INO80D: variants seen among roughly 807,000 people sequenced by gnomAD.
INO80D encodes INO80 complex subunit D.
INO80D carries 21 observed loss-of-function variants against 87.6 expected under a neutral mutation model. The ratio of observed to expected loss-of-function variants is 0.24; its 90% CI spans 0.17 to 0.35. INO80D has a LOEUF of 0.35. Among genes scored for constraint, INO80D ranks in the 10% least tolerant of loss-of-function variants. The pLI is 1.00. For synonymous variants in INO80D, 440 were observed against 491.0 expected (o/e 0.90, Z 1.37); for missense variants, 982 against 1,280.7 (o/e 0.77, Z 3.56).
chr2:206,068,749 G>T (rs1393807659), intron 1 of INO80D, among the ~76,000 whole-genome samples: 1 of 151,656 alleles, frequency 6.6e-6, no homozygotes, highest in Non-Finnish European at 1.5e-5. Context: ...ACCTAGGTTG[G>T]AGTGTAGTGG....
chr2:206,042,562 A>G (rs1410201116), intron 5 of INO80D, among the ~76,000 whole-genome samples: 5 of 151,712 alleles, frequency 3.3e-5, no homozygotes, highest in African/African-American at 1.2e-4. Flanking sequence ...GGCGCCTGTA[A>G]TCCTGCTACT....
intron 8 of INO80D, 127 bp downstream of exon 8, chr2:206,017,553 G>A: frequency 1.5e-6 from 1 of 658,374 alleles, no homozygotes; most frequent in African/African-American, 1.8e-5. Context: ...TATCTTAAGG[G>A]AATAAAAATC....
intron 5 of INO80D, among the ~76,000 whole-genome samples, chr2:206,042,741 T>G (rs1689086095): frequency 6.6e-6 from 1 of 151,062 alleles, no homozygotes; most frequent in Admixed American, 6.6e-5. Context: ...TCCCAATACT[T>G]CGGAAGGTCA....
At chr2:206,075,860 C>T (rs1690102899) in intron 1 of INO80D, among the ~76,000 whole-genome samples, 1 of 151,406 alleles carries the variant, frequency 6.6e-6, no homozygotes, top group Non-Finnish European at 1.5e-5. Context: ...TCGAGACCAG[C>T]CCGGCCAATA....
At chr2:206,005,941 C>A (rs1286485555) in intron 10 of INO80D, among the ~76,000 whole-genome samples, 1 of 152,120 alleles carries the variant, frequency 6.6e-6, no homozygotes, top group African/African-American at 2.4e-5. Flanking sequence ...CTGTGTAGAA[C>A]AGGTCCACCT....
Position 206,017,799 on chromosome 2 carries a change from G to A in INO80D, c.1423C>T (p.His475Tyr). ...RHCFQHILLN[H>Y]SQQLFSSCTA... ...CAACTTGAGAAGAGCTGCTGAGAGT[G>A]GTTCAAGAGGATATCTGGGTTTTTT... is the stretch of plus-strand genomic sequence containing the variant. The change falls in exon 8 of 11, where the codon CAC (histidine) becomes TAC (tyrosine). Residue 475 changes from histidine (H) to tyrosine (Y), a missense_variant. His to Tyr is a moderately conservative substitution (Grantham distance 83). Transcript: ENST00000403263. 6.2e-7 allele frequency: 1 copy of A among 1,608,738 alleles called. No homozygotes were observed. The highest frequency in any genetic ancestry group is 1.1e-5 in the South Asian group (1 of 89,616).
At chr2:206,081,792 G>C (rs1054717321) in intron 1 of INO80D, among the ~76,000 whole-genome samples, 1 of 149,938 alleles carries the variant, frequency 6.7e-6, no homozygotes, top group African/African-American at 2.4e-5. Flanking sequence ...AAGAAAGAAA[G>C]AAAAGTAAAG....
chr2:206,003,956 C>CTGCCGACG lies in INO80D; in HGVS notation c.*411_*412insCGTCGGCA. The CTGCCGACG allele has an allele frequency of 2.1e-5, 4 of 191,882 alleles. No individual in the cohort carries two copies. Among genetic ancestry groups the CTGCCGACG allele is most frequent in the South Asian group, 1.2e-4 (1 of 8,164 alleles). 11.9% of individuals were successfully genotyped at this position (191,882 alleles called of 1,614,324 possible). A position where few individuals can be genotyped will look rare whatever the true frequency, so the allele number is the denominator to read the frequency against. The stretch of plus-strand genomic sequence containing the variant: ...ATTTGCTGTCTCTTATACAGGAACT[C>CTGCCGACG]AATTAATAAGATCATTCTATCTAGA... On this transcript the variant is annotated 3_prime_UTR_variant, in exon 11 of 11. Transcript: ENST00000403263.
chr2:206,052,054 CAT>C (rs1224148466), intron 4 of INO80D, among the ~76,000 whole-genome samples: 1 of 152,206 alleles, frequency 6.6e-6, no homozygotes, highest in Admixed American at 6.5e-5. Context: ...TCCCTGAGCA[CAT>C]GTCTTTATAC....
chr2:206,042,837 T>A (rs976993057), intron 5 of INO80D, among the ~76,000 whole-genome samples: 1 of 151,806 alleles, frequency 6.6e-6, no homozygotes, highest in African/African-American at 2.4e-5. Context: ...TTTAAAATGG[T>A]GGCCTGCACC....
At chr2:206,049,850 G>T (rs1036052875) in intron 4 of INO80D, among the ~76,000 whole-genome samples, 1 of 152,220 alleles carries the variant, frequency 6.6e-6, no homozygotes, top group African/African-American at 2.4e-5. Context: ...TTAAAAGGGC[G>T]TCCGGGCATG....
At position 206,062,023 on chromosome 2, in the gene INO80D, G is replaced by A. The variant is rs928736697; in HGVS notation, c.218+776C>T. Reference sequence around the variant, plus strand: ...GAAGAGATTATATATGAAAGATAGTGTGAATTTTCCTAACAATATGAAAGA... The same window carrying A: ...GAAGAGATTATATATGAAAGATAGTATGAATTTTCCTAACAATATGAAAGA... On this transcript the variant is annotated intron_variant, in intron 3 of 10. Coordinates refer to ENST00000403263, the MANE Select transcript of INO80D (RefSeq NM_017759.5). The surrounding 1 kb of genome is among the most constrained non-coding windows in gnomAD (Gnocchi z 4.6). Among the ~76,000 whole-genome samples, 6 of 152,198 alleles carry A rather than the reference G, an allele frequency of 3.9e-5. No individual in the cohort carries two copies. The highest frequency in any genetic ancestry group is 1.4e-4 in the African/African-American group (6 of 41,460).
chr2:206,049,040 A>AACT (rs1432039112), intron 4 of INO80D, among the ~76,000 whole-genome samples: 1 of 152,228 alleles, frequency 6.6e-6, no homozygotes, highest in Admixed American at 6.5e-5. Context: ...ACACCTTGAT[A>AACT]ACTAGTATTT....
intron 4 of INO80D, among the ~76,000 whole-genome samples, chr2:206,048,006 G>A (rs894502089): frequency 3.4e-4 from 51 of 151,708 alleles, no homozygotes; most frequent in African/African-American, 1.0e-3. Context: ...ACCCGCCACC[G>A]CGCCTGGCTA....
At chr2:206,016,559 T>C (rs1688323898) in intron 8 of INO80D, among the ~76,000 whole-genome samples, 1 of 152,184 alleles carries the variant, frequency 6.6e-6, no homozygotes, top group Admixed American at 6.6e-5. Context: ...TGGGAAGGCA[T>C]GATTACAATG....
chr2:206,080,076 T>C (rs1690233056), intron 1 of INO80D, among the ~76,000 whole-genome samples: 1 of 152,208 alleles, frequency 6.6e-6, no homozygotes, highest in African/African-American at 2.4e-5. Context: ...CACATTGGCA[T>C]TGTAAATGTC....
At chr2:206,011,078 CAAAA>C (rs5838007) in intron 8 of INO80D, among the ~76,000 whole-genome samples, 4 of 95,658 alleles carry the variant, frequency 4.2e-5, no homozygotes, top group Non-Finnish European at 3.9e-5. Context: ...AACTCAGTCT[CAAAA>C]AAAAAAAAAA....
At chr2:206,023,774 T>C (rs1367812350) in intron 6 of INO80D, among the ~76,000 whole-genome samples, 1 of 152,082 alleles carries the variant, frequency 6.6e-6, no homozygotes, top group African/African-American at 2.4e-5. Context: ...GCCATAAACT[T>C]TTCACTAATC....
intron 1 of INO80D, among the ~76,000 whole-genome samples, chr2:206,076,719 C>T (rs1031902970): frequency 1.3e-5 from 2 of 152,278 alleles, no homozygotes; most frequent in East Asian, 3.9e-4. Context: ...ACACTAGTTC[C>T]TTCCCTGCTA....
Sources: allele counts gnomAD v4.1 joint callset (sites outside exome capture counted in the v4.1 genomes callset), GRCh38; gene constraint gnomAD v4.1.1; non-coding constraint Gnocchi (gnomAD v3.1); transcripts MANE v1.5; gene names NCBI Gene and HGNC (gene_info 2026-07-23, HGNC 2026-07-21).